Variants in ADAMTS17 observed in about 807,000 individuals in gnomAD.
The protein encoded by ADAMTS17 is A disintegrin and metalloproteinase with thrombospondin motifs 17.
ADAMTS17 carries 113 observed loss-of-function variants against 141.5 expected under a neutral mutation model. That is an observed-to-expected ratio of 0.80 (90% CI 0.69 to 0.93). The LOEUF is 0.93. Among genes scored for constraint, ADAMTS17 ranks in the 40% least tolerant of loss-of-function variants. The pLI is 0.00. For synonymous variants in ADAMTS17, 768 were observed against 630.6 expected (o/e 1.22, Z -3.27); for missense variants, 1,659 against 1,517.9 (o/e 1.09, Z -1.54).
At chr15:100,126,054 G>C (rs987825415) in intron 12 of ADAMTS17, 13 of 152,262 alleles carry the variant, frequency 8.5e-5, no homozygotes, top group African/African-American at 3.1e-4. Flanking sequence ...GACGGGGAGA[G>C]GACGTTGTTT....
intron 8 of ADAMTS17, among the ~76,000 whole-genome samples, chr15:100,190,619 G>A (rs1046832796): frequency 2.6e-5 from 4 of 152,224 alleles, no homozygotes; most frequent in African/African-American, 9.7e-5. Flanking sequence ...AGAGGGGCAG[G>A]TCTGGAGAAG....
intron 3 of ADAMTS17, among the ~76,000 whole-genome samples, chr15:100,303,332 A>G (rs2045109903): frequency 6.6e-6 from 1 of 151,302 alleles, no homozygotes; most frequent in South Asian, 2.1e-4. Flanking sequence ...CTGAGTTACA[A>G]GAATTCTTTA....
At position 100,254,044 on chromosome 15, in the gene ADAMTS17, T is replaced by C. The variant is rs147358397; in HGVS notation, c.1075+92A>G. 1.5e-3 allele frequency: 1,879 copies of C among 1,260,154 alleles called. 21 individuals carry two copies. In the African/African-American group the frequency reaches 0.024, roughly 16 times the overall value. The allele number at this position is 1,260,154 out of a possible 1,614,324, so 78.1% of individuals were successfully genotyped here. A position where few individuals can be genotyped will look rare whatever the true frequency, so the allele number is the denominator to read the frequency against. On this transcript the variant is annotated intron_variant, in intron 7 of 21. Transcript: ENST00000268070. ...AGGCAACAGAATGTGCAGTGCTTGT[T>C]TGAGGACAGCTCCTCCACTGTGACC...
At chr15:100,107,801 G>C (rs2036499354) in intron 14 of ADAMTS17, among the ~76,000 whole-genome samples, 1 of 152,146 alleles carries the variant, frequency 6.6e-6, no homozygotes. Flanking sequence ...CCAGCTTCCA[G>C]AACTGTGAGT....
chr15:100,046,554 G>C (rs2031700799), intron 18 of ADAMTS17, among the ~76,000 whole-genome samples: 1 of 152,228 alleles, frequency 6.6e-6, no homozygotes, highest in Non-Finnish European at 1.5e-5. Context: ...GGAGGGACCG[G>C]CTGAAGCCAT....
At chr15:100,101,318 G>C (rs2036086112) in intron 14 of ADAMTS17, among the ~76,000 whole-genome samples, 2 of 152,206 alleles carry the variant, frequency 1.3e-5, no homozygotes, top group African/African-American at 4.8e-5. Context: ...ACGTTTGTGA[G>C]CTGACATGGC....
intron 3 of ADAMTS17, among the ~76,000 whole-genome samples, chr15:100,326,133 C>CT (rs1453557582): frequency 6.6e-6 from 1 of 152,138 alleles, no homozygotes; most frequent in African/African-American, 2.4e-5. Context: ...TACCATGGTT[C>CT]TTTTTTCTCT....
chr15:100,284,083 C>T (rs1016640818), intron 3 of ADAMTS17, among the ~76,000 whole-genome samples: 3 of 151,696 alleles, frequency 2.0e-5, no homozygotes, highest in East Asian at 1.9e-4. Context: ...CCAGCCTGGG[C>T]GACAGAGCAA....
intron 8 of ADAMTS17, among the ~76,000 whole-genome samples, chr15:100,167,728 T>C (rs1350166344): frequency 6.6e-6 from 1 of 152,166 alleles, no homozygotes; most frequent in African/African-American, 2.4e-5. Context: ...CAAAAGCGCG[T>C]ATGGCGAAAT....
Position 99,976,608 on chromosome 15 carries a change from G to A in ADAMTS17, c.2950-386C>T, listed in dbSNP as rs2060337094. 8.0e-6 allele frequency: 3 copies of A among 373,936 alleles called. No individual in the cohort carries two copies. In the Admixed American group the frequency reaches 1.2e-4, roughly 15 times the overall value. 23.2% of individuals were successfully genotyped at this position (373,936 alleles called of 1,614,324 possible). On this transcript the variant is annotated intron_variant, in intron 20 of 21. Transcript: ENST00000268070. ...GCCGTGGAGGTGGGTGGCTTTGGGA[G>A]GTGAGTAGGGTTAGATGTCATGAGG...
chr15:100,151,586 A>C (rs2039167234), intron 10 of ADAMTS17, among the ~76,000 whole-genome samples: 1 of 152,174 alleles, frequency 6.6e-6, no homozygotes, highest in Admixed American at 6.5e-5. Flanking sequence ...CCAGTGCTGG[A>C]ATAGCCCTCC....
chr15:100,025,574 G>A (rs934687780), intron 18 of ADAMTS17, among the ~76,000 whole-genome samples: 3 of 152,056 alleles, frequency 2.0e-5, no homozygotes, highest in Middle Eastern at 3.4e-3. Flanking sequence ...ACCACGCCCA[G>A]CTAATTTTTT....
intron 14 of ADAMTS17, among the ~76,000 whole-genome samples, chr15:100,108,053 T>C (rs897306605): frequency 6.6e-6 from 1 of 151,702 alleles, no homozygotes; most frequent in Non-Finnish European, 1.5e-5. Flanking sequence ...GAGCATGGAG[T>C]CACCTCTGCT....
At chr15:100,231,429 G>T (rs2042477543) in intron 7 of ADAMTS17, among the ~76,000 whole-genome samples, 1 of 152,126 alleles carries the variant, frequency 6.6e-6, no homozygotes, top group Non-Finnish European at 1.5e-5. Context: ...ATCCACAGGG[G>T]ATAACTGCCT....
chr15:100,009,707 T>A (rs1029995509), intron 18 of ADAMTS17, among the ~76,000 whole-genome samples: 2 of 152,220 alleles, frequency 1.3e-5, no homozygotes, highest in African/African-American at 4.8e-5. Context: ...GGAGTTGCTG[T>A]TCCCCCAAAG....
intron 14 of ADAMTS17, among the ~76,000 whole-genome samples, chr15:100,103,378 T>C (rs774822995): frequency 1.3e-5 from 2 of 152,204 alleles, no homozygotes; most frequent in African/African-American, 2.4e-5. Flanking sequence ...CTGCTTTACC[T>C]GGGGGTCCTC....
chr15:100,307,111 C>A (rs577351407), intron 3 of ADAMTS17, among the ~76,000 whole-genome samples: 1 of 152,288 alleles, frequency 6.6e-6, no homozygotes, highest in African/African-American at 2.4e-5. Flanking sequence ...AGAGTTTTGC[C>A]CCATCCTGCA....
At chr15:100,217,802 T>C (rs1415255534) in intron 7 of ADAMTS17, among the ~76,000 whole-genome samples, 1 of 152,156 alleles carries the variant, frequency 6.6e-6, no homozygotes, top group East Asian at 1.9e-4. Flanking sequence ...GTAAGTGACT[T>C]TTACCCAGAA....
chr15:100,057,312 G>A (rs2032664692), intron 15 of ADAMTS17, among the ~76,000 whole-genome samples: 1 of 152,198 alleles, frequency 6.6e-6, no homozygotes. Context: ...GAGGTGCCCT[G>A]TACAAAGGAG....
Sources: allele counts gnomAD v4.1 joint callset (sites outside exome capture counted in the v4.1 genomes callset), GRCh38; gene constraint gnomAD v4.1.1; transcripts MANE v1.5; gene names NCBI Gene and HGNC (gene_info 2026-07-23, HGNC 2026-07-21).